The following DCAF8L2 variants were observed in gnomAD, a reference collection of about 807,000 sequenced individuals.
DCAF8L2 encodes the protein DDB1- and CUL4-associated factor 8-like protein 2.
For missense variants in DCAF8L2, 430 were observed against 490.7 expected (o/e 0.88, Z 1.17); for synonymous variants, 200 against 190.9 (o/e 1.05, Z -0.39).
the DCAF8L2 span, among the ~76,000 whole-genome samples, chrX:27,491,994 C>A: frequency 8.9e-6 from 1 of 111,964 alleles, no homozygotes; most frequent in Non-Finnish European, 1.9e-5. Context: ...CAGAGTTGTG[C>A]AACCATTGCC....
chrX:27,595,076 A>G (rs1366899236), intron 1 of DCAF8L2, among the ~76,000 whole-genome samples: 1 of 110,064 alleles, frequency 9.1e-6, no homozygotes, highest in Admixed American at 9.7e-5. Context: ...CTATTTCTCT[A>G]TTCTCCTCCT....
chrX:27,507,372 G>C, the DCAF8L2 span, among the ~76,000 whole-genome samples: 1 of 111,724 alleles, frequency 9.0e-6, no homozygotes, highest in Admixed American at 9.6e-5. Context: ...TTAATATAAA[G>C]TGATTGGAAT....
chrX:27,534,191 A>G, the DCAF8L2 span, among the ~76,000 whole-genome samples: 3 of 101,080 alleles, frequency 3.0e-5, no homozygotes, highest in African/African-American at 1.1e-4. Context: ...AGCCTGGGCT[A>G]CAGAGAGACC....
upstream of DCAF8L2, among the ~76,000 whole-genome samples, chrX:27,587,985 AATATATAT>A (rs202098791): frequency 0.016 from 365 of 22,353 alleles, 3 homozygotes; most frequent in East Asian, 0.087. Flanking sequence ...TAAAAAAAAA[AATATATAT>A]ATATATATAT....
chrX:27,628,765 G>A (rs1202646299), intron 1 of DCAF8L2, among the ~76,000 whole-genome samples: 2 of 110,352 alleles, frequency 1.8e-5, no homozygotes, highest in South Asian at 3.9e-4. Context: ...CACCACGCCC[G>A]GCTAATTTTT....
intron 1 of DCAF8L2, among the ~76,000 whole-genome samples, chrX:27,610,713 C>T (rs1167942312): frequency 8.9e-6 from 1 of 111,995 alleles, no homozygotes; most frequent in Non-Finnish European, 1.9e-5. Flanking sequence ...GAAAGTAAGG[C>T]TACTCCTAAG....
At chrX:27,594,907 CT>C (rs1174286585) in intron 1 of DCAF8L2, among the ~76,000 whole-genome samples, 3 of 111,785 alleles carry the variant, frequency 2.7e-5, no homozygotes, top group Non-Finnish European at 5.6e-5. Flanking sequence ...TTTATATGTA[CT>C]TAAAATACAT....
rs1409517035 is a variant in DCAF8L2 at position 27,748,006 on chromosome X, A to G, written c.1111A>G (p.Thr371Ala). 8.3e-7 allele frequency: 1 copy of G among 1,210,317 alleles called. No homozygotes were observed. The highest frequency in any genetic ancestry group is 1.1e-6 in the Non-Finnish European group (1 of 895,268). The change falls in exon 5 of 5, where the codon ACA (threonine) becomes GCA (alanine). Residue 371 changes from threonine to alanine, a missense_variant. Thr to Ala is a moderately conservative substitution (Grantham distance 58). Transcript: ENST00000451261. The part of the protein sequence containing the change: ...RENDKKVGLY[T>A]ITVNPANTYQ... ...AAATGATAAGAAAGTGGGACTGTAT[A>G]CAATTACTGTGAATCCCGCCAATAC...
At chrX:27,641,767 C>T (rs777064982) in intron 2 of DCAF8L2, among the ~76,000 whole-genome samples, 14 of 110,216 alleles carry the variant, frequency 1.3e-4, no homozygotes, top group Middle Eastern at 4.7e-3. Context: ...CCACCACGCC[C>T]GGCCAAGTAT....
chrX:27,521,430 T>G, the DCAF8L2 span, among the ~76,000 whole-genome samples: 18 of 112,392 alleles, frequency 1.6e-4, no homozygotes, highest in Non-Finnish European at 3.0e-4. Context: ...AGCTATTTCA[T>G]TCTCTGCTGC....
intron 3 of DCAF8L2, among the ~76,000 whole-genome samples, chrX:27,695,790 T>C (rs1930872891): frequency 9.0e-6 from 1 of 111,644 alleles, no homozygotes; most frequent in African/African-American, 3.3e-5. Flanking sequence ...AGCAGTGTAC[T>C]AGGAACTATT....
the DCAF8L2 span, among the ~76,000 whole-genome samples, chrX:27,526,353 C>T: frequency 3.6e-5 from 4 of 112,071 alleles, no homozygotes; most frequent in African/African-American, 1.3e-4. Flanking sequence ...ACGTAGTTCT[C>T]GTGCCATGGT....
intron 3 of DCAF8L2, among the ~76,000 whole-genome samples, chrX:27,701,249 T>C (rs952982746): frequency 9.0e-5 from 10 of 111,417 alleles, no homozygotes; most frequent in African/African-American, 3.3e-4. Context: ...ACAGGGAAGA[T>C]TATCATGGCA....
chrX:27,643,043 G>T (rs1336846170), intron 2 of DCAF8L2, among the ~76,000 whole-genome samples: 1 of 111,891 alleles, frequency 8.9e-6, no homozygotes, highest in East Asian at 2.8e-4. Flanking sequence ...TTAACAGAAT[G>T]GTGTCGATAT....
the DCAF8L2 span, among the ~76,000 whole-genome samples, chrX:27,476,794 T>C: frequency 2.7e-5 from 3 of 112,224 alleles, no homozygotes; most frequent in East Asian, 8.4e-4. Context: ...GTCACTTTAA[T>C]TTTACCATCT....
chrX:27,727,176 T>C (rs1324166360), intron 4 of DCAF8L2, among the ~76,000 whole-genome samples: 1 of 111,710 alleles, frequency 9.0e-6, no homozygotes, highest in Non-Finnish European at 1.9e-5. Flanking sequence ...GATCATAAAC[T>C]ATTTTTATAT....
chrX:27,543,613 A>C, the DCAF8L2 span, among the ~76,000 whole-genome samples: 3 of 111,699 alleles, frequency 2.7e-5, no homozygotes, highest in Non-Finnish European at 5.6e-5. Flanking sequence ...TTACAACCTA[A>C]AGTCAAACAG....
chrX:27,541,549 G>T, the DCAF8L2 span, among the ~76,000 whole-genome samples: 1 of 108,698 alleles, frequency 9.2e-6, no homozygotes, highest in Admixed American at 9.9e-5. Context: ...TGTATTTTCA[G>T]TAGAGACAGG....
chrX:27,515,095 T>G, the DCAF8L2 span, among the ~76,000 whole-genome samples: 61 of 112,174 alleles, frequency 5.4e-4, no homozygotes, highest in African/African-American at 1.9e-3. Context: ...CTGATTTGAT[T>G]GTTATATAAT....
Sources: allele counts gnomAD v4.1 joint callset (sites outside exome capture counted in the v4.1 genomes callset), GRCh38; gene constraint gnomAD v4.1.1; transcripts MANE v1.5; gene names NCBI Gene and HGNC (gene_info 2026-07-23, HGNC 2026-07-21).